FAR2: variants seen among roughly 807,000 people sequenced by gnomAD.
FAR2 encodes the protein fatty acyl-CoA reductase 2.
FAR2 carries 19 observed loss-of-function variants against 56.0 expected under a neutral mutation model. That is an observed-to-expected ratio of 0.34 (90% confidence interval 0.24 to 0.50). FAR2 has a LOEUF of 0.50. Among genes scored for constraint, FAR2 ranks in the 20% least tolerant of loss-of-function variants. The pLI, the probability that FAR2 is intolerant of heterozygous loss-of-function variation, is 0.98. For missense variants in FAR2, 508 were observed against 642.2 expected (o/e 0.79, Z 2.26); for synonymous variants, 219 against 218.8 (o/e 1.00, Z -0.01).
chr12:29,186,595 T>C (rs1163481628), intron 1 of FAR2, among the ~76,000 whole-genome samples: 4 of 152,306 alleles, frequency 2.6e-5, no homozygotes, highest in Middle Eastern at 6.8e-3. Flanking sequence ...TGAAGCTAAA[T>C]GGCCCATTTG....
Position 29,332,652 on chromosome 12 carries a change from A to G in FAR2, c.1310A>G (p.Tyr437Cys). Reference protein sequence around the residue: ...QLNWLEYIENYVLGVKKYLLK... With the variant: ...QLNWLEYIENCVLGVKKYLLK... ...AACTGGTTGGAATACATTGAAAATT[A>G]TGTTTTGGGAGTTAAAAAATACTTA... The change falls in exon 11 of 12, where the codon TAT becomes TGT. Residue 437 changes from tyrosine (Y) to cysteine (C), a missense_variant. Physicochemically the swap from Tyr to Cys is radical, Grantham distance 194 (BLOSUM62 -2). Coordinates refer to ENST00000536681, the MANE Select transcript of FAR2 (RefSeq NM_001271783.2). 1.2e-6 allele frequency: 2 copies of G among 1,613,844 alleles called. No individual in the cohort carries two copies. Among genetic ancestry groups the G allele is most frequent in the Non-Finnish European group, 1.7e-6 (2 of 1,179,806 alleles).
chr12:29,286,981 C>T (rs761637863), intron 2 of FAR2, among the ~76,000 whole-genome samples: 1 of 151,954 alleles, frequency 6.6e-6, no homozygotes, highest in African/African-American at 2.4e-5. Flanking sequence ...ACACAATGAC[C>T]CAGAGAGGTA....
chr12:29,194,258 C>T (rs1229681623), intron 1 of FAR2, among the ~76,000 whole-genome samples: 1 of 152,126 alleles, frequency 6.6e-6, no homozygotes, highest in Non-Finnish European at 1.5e-5. Context: ...CAGAACGAAT[C>T]TTCAACTTCT....
intron 4 of FAR2, among the ~76,000 whole-genome samples, chr12:29,300,417 T>C (rs1380307677): frequency 6.6e-6 from 1 of 152,210 alleles, no homozygotes; most frequent in African/African-American, 2.4e-5. Context: ...AGTTTTAGAA[T>C]AACAACATTA....
chr12:29,299,703 C>T (rs544819268), intron 4 of FAR2, among the ~76,000 whole-genome samples: 17 of 152,282 alleles, frequency 1.1e-4, no homozygotes, highest in African/African-American at 3.9e-4. Flanking sequence ...ACCACCTATC[C>T]AGCCTCATCT....
In FAR2 at chr12:29,260,750, G is replaced by A. The variant is rs552976608; in HGVS notation, c.-38-9662G>A. On this transcript the variant is annotated intron_variant, in intron 1 of 11. Coordinates refer to ENST00000536681, the MANE Select transcript of FAR2 (RefSeq NM_001271783.2). ...CAGGAAGGCATCTGTGGACCTACCT[G>A]GGTCCAGGAAAAGCTCACCACCCTG... is the stretch of plus-strand genomic sequence containing the variant. Among the ~76,000 whole-genome samples, 6 of 152,272 alleles carry A rather than the reference G, an allele frequency of 3.9e-5. No individual in the cohort carries two copies. The South Asian group carries it at 1.0e-3, about 26-fold the overall frequency.
At chr12:29,240,050 C>A (rs1179726930) in intron 1 of FAR2, among the ~76,000 whole-genome samples, 1 of 152,184 alleles carries the variant, frequency 6.6e-6, no homozygotes, top group Non-Finnish European at 1.5e-5. Context: ...CATCTTCCAT[C>A]GTTCCAAGAG....
chr12:29,230,121 A>G (rs2136650162), intron 1 of FAR2, among the ~76,000 whole-genome samples: 1 of 152,310 alleles, frequency 6.6e-6, no homozygotes, highest in South Asian at 2.1e-4. Flanking sequence ...CACAGATGTC[A>G]TCTGAATAAA....
intron 1 of FAR2, among the ~76,000 whole-genome samples, chr12:29,185,429 T>A (rs1419265650): frequency 6.6e-6 from 1 of 152,058 alleles, no homozygotes; most frequent in African/African-American, 2.4e-5. Context: ...TACAAATGAA[T>A]AAAATAAAAA....
At chr12:29,281,355 T>G (rs1321023702) in intron 2 of FAR2, 1 of 152,170 alleles carries the variant, frequency 6.6e-6, no homozygotes, top group Non-Finnish European at 1.5e-5. Flanking sequence ...CTTCCTACAC[T>G]GGGAGTGGGG....
chr12:29,281,228 AAAAAT>A (rs762279452), intron 2 of FAR2: 4 of 151,256 alleles, frequency 2.6e-5, no homozygotes, highest in Non-Finnish European at 4.4e-5. Flanking sequence ...AAGTTGAAGA[AAAAAT>A]AAAATCAAAC....
chr12:29,323,587 A>G (rs925612068), intron 10 of FAR2, among the ~76,000 whole-genome samples: 14 of 152,196 alleles, frequency 9.2e-5, no homozygotes, highest in Non-Finnish European at 1.8e-4. Flanking sequence ...TTTACGGTTC[A>G]CCAATATCCG....
intron 1 of FAR2, among the ~76,000 whole-genome samples, chr12:29,221,170 C>T (rs1002760222): frequency 1.3e-5 from 2 of 152,102 alleles, no homozygotes; most frequent in Non-Finnish European, 2.9e-5. Flanking sequence ...CCTCTTAGTG[C>T]GCATGCTCAA....
At chr12:29,167,188 C>G (rs1949838274) in intron 1 of FAR2, among the ~76,000 whole-genome samples, 2 of 152,178 alleles carry the variant, frequency 1.3e-5, no homozygotes, top group Admixed American at 1.3e-4. Context: ...CTTTCAGCTT[C>G]TTTGCTGGTT....
At chr12:29,153,742 C>G (rs538414289) in intron 1 of FAR2, among the ~76,000 whole-genome samples, 2 of 152,060 alleles carry the variant, frequency 1.3e-5, no homozygotes, top group South Asian at 4.2e-4. Flanking sequence ...GAGAAGTGCA[C>G]AGACTTGAGG....
chr12:29,172,691 C>T (rs916088809), intron 1 of FAR2, among the ~76,000 whole-genome samples: 2 of 152,190 alleles, frequency 1.3e-5, no homozygotes, highest in Admixed American at 6.5e-5. Context: ...CTTTTAGGAC[C>T]AATTGACCCT....
At chr12:29,221,291 A>G (rs552992461) in intron 1 of FAR2, among the ~76,000 whole-genome samples, 5 of 152,140 alleles carry the variant, frequency 3.3e-5, no homozygotes, top group African/African-American at 1.2e-4. Flanking sequence ...ACCAATTATT[A>G]TTTTAGAGAA....
chr12:29,273,810 G>T (rs1228299439), intron 2 of FAR2, among the ~76,000 whole-genome samples: 1 of 152,200 alleles, frequency 6.6e-6, no homozygotes, highest in Non-Finnish European at 1.5e-5. Context: ...TGACCCATAG[G>T]TTGCACTGTT....
intron 1 of FAR2, among the ~76,000 whole-genome samples, chr12:29,202,020 C>G (rs981697195): frequency 5.3e-5 from 8 of 152,128 alleles, no homozygotes; most frequent in Non-Finnish European, 1.2e-4. Flanking sequence ...TATTATACCA[C>G]ATAGAGGATT....
Sources: gnomAD v4.1 joint callset for allele counts (sites outside exome capture counted in the v4.1 genomes callset) on GRCh38, gnomAD v4.1.1 for gene constraint, MANE v1.5 for transcripts, NCBI Gene and HGNC (gene_info 2026-07-23, HGNC 2026-07-21) for gene names.